HMGA2: variants seen among roughly 807,000 people sequenced by gnomAD.
HMGA2 encodes high mobility group AT-hook 2, also known as high mobility group protein HMGI-C.
HMGA2 carries 8 observed loss-of-function variants against 19.1 expected under a neutral mutation model. That is an observed-to-expected ratio of 0.42 (90% CI 0.25 to 0.76). The LOEUF (loss-of-function observed/expected upper bound fraction) is 0.76. Among genes scored for constraint, HMGA2 ranks in the 30% least tolerant of loss-of-function variants. The pLI is 0.28. For missense variants in HMGA2, 109 were observed against 136.3 expected, an observed-to-expected ratio of 0.80 and a Z score of 1.00; for synonymous variants, 60 against 48.8, an observed-to-expected ratio of 1.23 and a Z score of -0.96.
chr12:65,927,867 TATATGTATGTATATATAAA>T (rs1402340821), intron 3 of HMGA2, among the ~76,000 whole-genome samples: 1 of 148,884 alleles, frequency 6.7e-6, no homozygotes, highest in African/African-American at 2.5e-5. Flanking sequence ...ATATTTTTTA[TATATGTATGTATATATAAA>T]ATATGTATGT....
intron 3 of HMGA2, among the ~76,000 whole-genome samples, chr12:65,845,414 C>T (rs548001400): frequency 2.6e-5 from 4 of 151,946 alleles, no homozygotes; most frequent in Non-Finnish European, 5.9e-5. Flanking sequence ...GACTATAGTC[C>T]CACGCCACCA....
chr12:65,888,721 G>C lies in HMGA2; in HGVS notation c.249+50152G>C, dbSNP rs187387736. Among the ~76,000 whole-genome samples the C allele has an allele frequency of 7.9e-3, 1,197 of 150,894 alleles. 51 individuals carry two copies. Among genetic ancestry groups the C allele is most frequent in the Admixed American group, 0.066 (1,002 of 15,172 alleles). ...TGGGACTACAGGCGCCCGCCACCAC[G>C]CCCGGCTAACTTTTTGTATTTTTAG... is the stretch of plus-strand genomic sequence containing the variant. On this transcript the variant is annotated intron_variant, in intron 3 of 4. Transcript: ENST00000403681.
intron 3 of HMGA2, among the ~76,000 whole-genome samples, chr12:65,849,045 A>T (rs1871346593): frequency 6.6e-6 from 1 of 152,170 alleles, no homozygotes; most frequent in South Asian, 2.1e-4. Flanking sequence ...ATGGTTGGTA[A>T]TGTTCTAGAA....
chr12:65,909,256 C>T (rs565702017), intron 3 of HMGA2, among the ~76,000 whole-genome samples: 53 of 152,208 alleles, frequency 3.5e-4, no homozygotes, highest in African/African-American at 1.2e-3. Context: ...GGCGCCAGCA[C>T]AAATTTCTGC....
intron 3 of HMGA2, among the ~76,000 whole-genome samples, chr12:65,908,370 A>C (rs764810777): frequency 1.1e-4 from 17 of 152,004 alleles, no homozygotes; most frequent in Non-Finnish European, 2.1e-4. Flanking sequence ...TGTCTGTTCT[A>C]CTCAGTGTGA....
In HMGA2 at chr12:65,825,044, T is replaced by TCTC. The variant is rs932531177; in HGVS notation, c.-213_-211dup. The TCTC allele has an allele frequency of 3.3e-5, 15 of 448,226 alleles. No individual in the cohort carries two copies. The highest frequency in any genetic ancestry group is 2.5e-4 in the African/African-American group (12 of 48,322). 27.8% of individuals were successfully genotyped at this position (448,226 alleles called of 1,614,324 possible). A position where few individuals can be genotyped will look rare whatever the true frequency, so the allele number is the denominator to read the frequency against. On this transcript the variant is annotated 5_prime_UTR_variant, in exon 1 of 5. Coordinates refer to ENST00000403681, the MANE Select transcript of HMGA2 (RefSeq NM_003483.6). The surrounding 1 kb of genome is among the most constrained non-coding windows in gnomAD (Gnocchi z 4.4). ...CGCCGCCACCGGCAGCGCCTCCTCC[T>TCTC]CTCCTCCTCCTCCTCCCCTCTTCTC...
At chr12:65,847,105 TATATA>T (rs1374680041) in intron 3 of HMGA2, among the ~76,000 whole-genome samples, 1 of 152,182 alleles carries the variant, frequency 6.6e-6, no homozygotes, top group African/African-American at 2.4e-5. Context: ...CACACACACT[TATATA>T]TGATATATGA....
At chr12:65,868,240 C>G (rs913130073) in intron 3 of HMGA2, among the ~76,000 whole-genome samples, 1 of 152,088 alleles carries the variant, frequency 6.6e-6, no homozygotes, top group Non-Finnish European at 1.5e-5. Context: ...GAGTCTGAAA[C>G]TTTTTTCATT....
chr12:65,842,321 T>C (rs1448794846), intron 3 of HMGA2: 5 of 623,224 alleles, frequency 8.0e-6, no homozygotes, highest in Non-Finnish European at 1.5e-5. Flanking sequence ...ATAAAGAGCA[T>C]GGCACATAGG....
intron 3 of HMGA2, among the ~76,000 whole-genome samples, chr12:65,926,297 TG>T (rs1875503249): frequency 6.6e-6 from 1 of 152,226 alleles, no homozygotes; most frequent in African/African-American, 2.4e-5. Flanking sequence ...CAAAACAGTG[TG>T]GGGCTTCCTA....
chr12:65,833,228 C>CT (rs1273479681), intron 2 of HMGA2, among the ~76,000 whole-genome samples: 1 of 151,976 alleles, frequency 6.6e-6, no homozygotes, highest in Non-Finnish European at 1.5e-5. Flanking sequence ...TTCCTCAGTA[C>CT]TTAGTGGGAT....
chr12:65,836,108 C>T (rs1870706264), intron 2 of HMGA2, among the ~76,000 whole-genome samples: 1 of 152,178 alleles, frequency 6.6e-6, no homozygotes, highest in African/African-American at 2.4e-5. Context: ...TGAAGAAAAA[C>T]TCCCTTTCTG....
intron 3 of HMGA2, among the ~76,000 whole-genome samples, chr12:65,898,167 A>G (rs1372527735): frequency 6.6e-6 from 1 of 152,158 alleles, no homozygotes; most frequent in African/African-American, 2.4e-5. Flanking sequence ...AGGTGTCGTG[A>G]TGCTGTTTAA....
intron 3 of HMGA2, among the ~76,000 whole-genome samples, chr12:65,889,931 A>C (rs1222320882): frequency 1.3e-5 from 2 of 152,140 alleles, no homozygotes; most frequent in Non-Finnish European, 2.9e-5. Context: ...CACTCTGAAA[A>C]ATTCTTCTGT....
At chr12:65,925,741 C>T (rs550243260) in intron 3 of HMGA2, among the ~76,000 whole-genome samples, 8 of 151,618 alleles carry the variant, frequency 5.3e-5, no homozygotes, top group Non-Finnish European at 1.0e-4. Flanking sequence ...ATTAAGTTTT[C>T]GATGATCTTG....
intron 3 of HMGA2, among the ~76,000 whole-genome samples, chr12:65,929,719 A>G (rs1325749617): frequency 6.6e-6 from 1 of 152,118 alleles, no homozygotes; most frequent in African/African-American, 2.4e-5. Context: ...TACACGAAAC[A>G]CTTTGGTGAA....
At chr12:65,854,487 A>G (rs997514519) in intron 3 of HMGA2, among the ~76,000 whole-genome samples, 1 of 152,162 alleles carries the variant, frequency 6.6e-6, no homozygotes, top group Non-Finnish European at 1.5e-5. Flanking sequence ...CCAGTTTCGC[A>G]TGTACTTATT....
chr12:65,865,633 CTTT>C (rs952845162), intron 3 of HMGA2, among the ~76,000 whole-genome samples: 10 of 131,794 alleles, frequency 7.6e-5, no homozygotes, highest in Non-Finnish European at 8.2e-5. Context: ...ATCTATTTTT[CTTT>C]TTTTTTTTTT....
At chr12:65,869,420 C>T (rs147059354) in intron 3 of HMGA2, among the ~76,000 whole-genome samples, 2 of 152,246 alleles carry the variant, frequency 1.3e-5, no homozygotes, top group East Asian at 1.9e-4. Flanking sequence ...TAATCTGACA[C>T]CATAGCCCAT....
Sources: allele counts gnomAD v4.1 joint callset (sites outside exome capture counted in the v4.1 genomes callset), GRCh38; gene constraint gnomAD v4.1.1; non-coding constraint Gnocchi (gnomAD v3.1); transcripts MANE v1.5; gene names NCBI Gene and HGNC (gene_info 2026-07-23, HGNC 2026-07-21).